Variants in CD99L2 observed in about 807,000 individuals in gnomAD.
CD99L2 encodes the protein CD99 molecule like 2.
A neutral mutation model predicts 27.3 loss-of-function variants in CD99L2; 24 were observed. The observed-to-expected ratio is 0.88, with a 90% CI of 0.64 to 1.24. The LOEUF (loss-of-function observed/expected upper bound fraction) is 1.24, where lower values mean the gene tolerates loss of function less well. Ranked by LOEUF, CD99L2 falls within the 50% of genes most tolerant of loss-of-function variation. The pLI is 0.00. For synonymous variants in CD99L2, 97 were observed against 87.9 expected (o/e 1.10, Z -0.58); for missense variants, 255 against 221.6 (o/e 1.15, Z -0.96).
intron 7 of CD99L2, among the ~76,000 whole-genome samples, chrX:150,784,879 C>T (rs981817788): frequency 8.9e-6 from 1 of 111,946 alleles, no homozygotes; most frequent in African/African-American, 3.2e-5. Context: ...CCTGTACCAG[C>T]GGAGTGACAG....
chrX:150,826,050 G>A (rs1268351563), intron 2 of CD99L2, among the ~76,000 whole-genome samples: 2 of 111,380 alleles, frequency 1.8e-5, no homozygotes, highest in South Asian at 3.8e-4. Context: ...AAAGGGCACC[G>A]TTCTCACAAA....
chrX:150,778,685 A>ATAT (rs1557419365), intron 7 of CD99L2, among the ~76,000 whole-genome samples: 70 of 81,508 alleles, frequency 8.6e-4, no homozygotes, highest in African/African-American at 3.3e-3. Context: ...AAAAAAAAAA[A>ATAT]ATATATATAT....
chrX:150,773,719 G>C (rs1342117674), intron 9 of CD99L2, among the ~76,000 whole-genome samples: 2 of 112,509 alleles, frequency 1.8e-5, no homozygotes, highest in Non-Finnish European at 3.8e-5. Flanking sequence ...ACCGAGATTG[G>C]AATGATATGG....
intron 6 of CD99L2, 47 bp downstream of exon 6, chrX:150,795,159 T>G (rs1557419855): frequency 8.4e-7 from 1 of 1,184,814 alleles, no homozygotes; most frequent in Non-Finnish European, 1.1e-6. Context: ...TCTGGCTCTG[T>G]GGGATGATGT....
chrX:150,811,627 G>C (rs1021574377), intron 4 of CD99L2, among the ~76,000 whole-genome samples: 3 of 111,624 alleles, frequency 2.7e-5, no homozygotes, highest in Non-Finnish European at 3.8e-5. Flanking sequence ...ATTTCTGTTA[G>C]TAATATAGAT....
At chrX:150,776,115 C>G in intron 9 of CD99L2, 59 bp downstream of exon 9, 5 of 1,188,315 alleles carry the variant, frequency 4.2e-6, no homozygotes, top group Non-Finnish European at 5.7e-6. Context: ...GTCCTGGCCC[C>G]TTTCCCTCCA....
chrX:150,789,694 G>A (rs782819862), intron 7 of CD99L2, among the ~76,000 whole-genome samples: 10 of 111,213 alleles, frequency 9.0e-5, no homozygotes, highest in Non-Finnish European at 1.9e-4. Context: ...AGACCACCCT[G>A]GGCAACATAG....
At chrX:150,810,627 GAAAT>G in intron 4 of CD99L2, among the ~76,000 whole-genome samples, 1 of 111,424 alleles carries the variant, frequency 9.0e-6, no homozygotes, top group Admixed American at 9.6e-5. Flanking sequence ...AGAAAAAAAT[GAAAT>G]AAATAACAGA....
rs1310009430 is a variant in CD99L2 at position 150,766,525 on chromosome X, C to T, written c.*2509G>A. On this transcript the variant is annotated 3_prime_UTR_variant, in exon 11 of 11. Coordinates refer to ENST00000370377, the MANE Select transcript of CD99L2 (RefSeq NM_031462.4). ...CCCCTCTGGGTCCCACCCCAGAAGC[C>T]ACGCACACCTCCTTCCGCCCAGCTT... 1 of 111,591 alleles carries T rather than the reference C, an allele frequency of 9.0e-6. No individual in the cohort carries two copies. Among genetic ancestry groups the T allele is most frequent in the African/African-American group, 3.3e-5 (1 of 30,605 alleles). 9.2% of individuals were successfully genotyped at this position (111,591 alleles called of 1,213,427 possible).
At chrX:150,834,329 T>C (rs1189308435) in intron 1 of CD99L2, among the ~76,000 whole-genome samples, 2 of 111,172 alleles carry the variant, frequency 1.8e-5, no homozygotes, top group African/African-American at 6.5e-5. Flanking sequence ...CCGTCTCTAC[T>C]AAAAATACAA....
chrX:150,793,798 A>T (rs782806358), intron 6 of CD99L2, 42 bp from the exon 7 acceptor site: 37 of 1,066,164 alleles, frequency 3.5e-5, no homozygotes, highest in Non-Finnish European at 4.2e-5. Flanking sequence ...AAGAAAAAAA[A>T]ATCAGCAACA....
intron 1 of CD99L2, among the ~76,000 whole-genome samples, chrX:150,872,453 C>CA (rs113583281): frequency 0.22 from 23,500 of 104,650 alleles, 2,497 homozygotes; most frequent in African/African-American, 0.38. Context: ...CAGAACTGAG[C>CA]AACAAAATTT....
At chrX:150,869,967 A>G (rs2047130620) in intron 1 of CD99L2, among the ~76,000 whole-genome samples, 2 of 111,395 alleles carry the variant, frequency 1.8e-5, no homozygotes, top group South Asian at 7.6e-4. Flanking sequence ...ATTTGATTTC[A>G]TAAGTATTAA....
chrX:150,827,541 T>G (rs984750334), intron 2 of CD99L2, among the ~76,000 whole-genome samples: 1 of 111,989 alleles, frequency 8.9e-6, no homozygotes, highest in African/African-American at 3.2e-5. Context: ...GTTGACAAAT[T>G]TATTGAAAGT....
intron 1 of CD99L2, among the ~76,000 whole-genome samples, chrX:150,859,457 C>A (rs2046941523): frequency 9.1e-6 from 1 of 109,617 alleles, no homozygotes; most frequent in Admixed American, 9.6e-5. Flanking sequence ...CGAGATCGCG[C>A]CATTGCACTC....
At chrX:150,815,885 G>T in intron 3 of CD99L2, 122 bp downstream of exon 3, 1 of 670,652 alleles carries the variant, frequency 1.5e-6, no homozygotes, top group Non-Finnish European at 2.5e-6. Context: ...GTGTTCACAT[G>T]GATGCCTTGA....
intron 1 of CD99L2, among the ~76,000 whole-genome samples, chrX:150,872,965 T>TC (rs1289965498): frequency 9.0e-6 from 1 of 110,898 alleles, no homozygotes; most frequent in African/African-American, 3.3e-5. Flanking sequence ...CATGCAGCCT[T>TC]CCCCCTCCAC....
intron 2 of CD99L2, among the ~76,000 whole-genome samples, chrX:150,826,506 A>G (rs1335124017): frequency 2.7e-5 from 3 of 111,820 alleles, no homozygotes; most frequent in Non-Finnish European, 5.6e-5. Flanking sequence ...CACATATTGA[A>G]TGATTCCATT....
intron 4 of CD99L2, among the ~76,000 whole-genome samples, chrX:150,803,887 C>T (rs1461837105): frequency 1.8e-5 from 2 of 112,064 alleles, no homozygotes; most frequent in South Asian, 3.7e-4. Flanking sequence ...AACAAAGCCA[C>T]GTTTCATAAA....
Sources: gnomAD v4.1 joint callset for allele counts (sites outside exome capture counted in the v4.1 genomes callset) on GRCh38, gnomAD v4.1.1 for gene constraint, MANE v1.5 for transcripts, NCBI Gene and HGNC (gene_info 2026-07-23, HGNC 2026-07-21) for gene names.